CEP44: variants seen among roughly 807,000 people sequenced by gnomAD.
The protein encoded by CEP44 is centrosomal protein 44, also known as centrosomal protein of 44 kDa.
CEP44 carries 45 observed loss-of-function variants against 46.7 expected under a neutral mutation model. The ratio of observed to expected loss-of-function variants is 0.96; its 90% CI spans 0.76 to 1.24. The LOEUF (loss-of-function observed/expected upper bound fraction) is 1.24. CEP44 is among the 50% of genes most tolerant of loss of function. The pLI is 0.00. For synonymous variants in CEP44, 142 were observed against 146.0 expected, an observed-to-expected ratio of 0.97 and a Z score of 0.20; for missense variants, 475 against 459.7, an observed-to-expected ratio of 1.03 and a Z score of -0.30.
Position 174,310,785 on chromosome 4 carries a change from T to A in CEP44, c.888T>A (p.Asn296Lys), listed in dbSNP as rs1198928558. ...AATATTTAACTGTGTTATTCCAGAATGATGAATTTATAGAGTTTAATGAAG... is the reference window on the plus strand; with the variant it reads ...AATATTTAACTGTGTTATTCCAGAAAGATGAATTTATAGAGTTTAATGAAG... ...LETEMLLSKK[N>K]DEFIEFNEVS... Residue 296 changes from asparagine to lysine, a missense_variant and splice_region_variant, in exon 9 of 12, where the codon AAT becomes AAA. Asn to Lys is a moderately conservative substitution (Grantham distance 94, BLOSUM62 0). Coordinates refer to ENST00000503780, the MANE Select transcript of CEP44 (RefSeq NM_001040157.3). The surrounding 1 kb of genome is among the most constrained non-coding windows in gnomAD (Gnocchi z 4.2). 7.1e-7 allele frequency: 1 copy of A among 1,403,150 alleles called. No homozygotes were observed. The highest frequency in any genetic ancestry group is 9.9e-7 in the Non-Finnish European group (1 of 1,008,768). 86.9% of individuals were successfully genotyped at this position (1,403,150 alleles called of 1,614,324 possible). A position where few individuals can be genotyped will look rare whatever the true frequency, so the allele number is the denominator to read the frequency against.
chr4:174,318,690 C>A lies in CEP44; in HGVS notation c.*1307C>A. 1 of 639,328 alleles carries A rather than the reference C, an allele frequency of 1.6e-6. No individual in the cohort carries two copies. Among genetic ancestry groups the A allele is most frequent in the Non-Finnish European group, 1.9e-6 (1 of 515,268 alleles). 39.6% of individuals were successfully genotyped at this position (639,328 alleles called of 1,614,324 possible). A position where few individuals can be genotyped will look rare whatever the true frequency, so the allele number is the denominator to read the frequency against. On this transcript the variant is annotated 3_prime_UTR_variant, in exon 12 of 12. Coordinates refer to ENST00000503780, the MANE Select transcript of CEP44 (RefSeq NM_001040157.3). ...GGTATGTATGTATAATTCTATATTA[C>A]ACTGTCAAATATAAAATATTGTTAT...
rs531724921 is a variant in CEP44, at chr4:174,294,975, G to T, written c.-147-2991G>T. Among the ~76,000 whole-genome samples, 449 of 139,148 alleles carry T rather than the reference G, an allele frequency of 3.2e-3. 2 individuals carry two copies. Among genetic ancestry groups the T allele is most frequent in the African/African-American group, 0.012 (423 of 34,988 alleles). 91.3% of individuals were successfully genotyped at this position (139,148 alleles called of 152,430 possible). On this transcript the variant is annotated intron_variant, in intron 1 of 11. Transcript: ENST00000503780. ...TCCTGGACGGGACGGCTGGCCGGGT[G>T]GGGGGCTGACCCCCCCACCTCCCTC... is the stretch of plus-strand genomic sequence containing the variant.
At chr4:174,295,311 GT>G (rs1205151465) in intron 1 of CEP44, among the ~76,000 whole-genome samples, 1 of 151,470 alleles carries the variant, frequency 6.6e-6, no homozygotes, top group Non-Finnish European at 1.5e-5. Context: ...CCCAGACGGG[GT>G]CGCGGCCGGG....
At position 174,319,088 on chromosome 4, in the gene CEP44, G is replaced by T; in HGVS notation, c.*1705G>T. The T allele has an allele frequency of 1.0e-6, 1 of 967,230 alleles. No homozygotes were observed. 59.9% of individuals were successfully genotyped at this position (967,230 alleles called of 1,614,324 possible). The stretch of plus-strand genomic sequence containing the variant: ...TGTCCCAAAGTGCTAGATTCCATGG[G>T]TGAGTCACCATGCTTGGCCACATTT... On this transcript the variant is annotated 3_prime_UTR_variant, in exon 12 of 12. Transcript: ENST00000503780.
chr4:174,329,901 A>G lies in CEP44; in HGVS notation c.1087-1581A>G, dbSNP rs1731224057. Reference sequence around the variant, plus strand: ...TTAGGTCAAAAAGAATATGTAAACCAAAATATTTTAGATAGGAATACTTAT... The same window carrying G: ...TTAGGTCAAAAAGAATATGTAAACCGAAATATTTTAGATAGGAATACTTAT... On this transcript the variant is annotated intron_variant, in intron 8 of 8. Coordinates refer to the CEP44 transcript ENST00000426172. This position sits in a 1 kb window ranked among gnomAD's most constrained non-coding sequence, Gnocchi z 4.0. Among the ~76,000 whole-genome samples, 1 of 152,182 alleles carries G rather than the reference A, an allele frequency of 6.6e-6. No homozygotes were observed. Among genetic ancestry groups the G allele is most frequent in the African/African-American group, 2.4e-5 (1 of 41,456 alleles).
intron 2 of CEP44, among the ~76,000 whole-genome samples, chr4:174,298,337 G>A (rs868336188): frequency 3.0e-4 from 45 of 151,078 alleles, no homozygotes; most frequent in Middle Eastern, 3.4e-3. Context: ...CACTACGCCC[G>A]GCTAATTTTT....
Position 174,317,742 on chromosome 4 carries a change from G to A in CEP44, c.*359G>A. 1 of 989,168 alleles carries A rather than the reference G, an allele frequency of 1.0e-6. No homozygotes were observed. Among genetic ancestry groups the A allele is most frequent in the South Asian group, 4.7e-5 (1 of 21,322 alleles). 61.3% of individuals were successfully genotyped at this position (989,168 alleles called of 1,614,324 possible). A position where few individuals can be genotyped will look rare whatever the true frequency, so the allele number is the denominator to read the frequency against. Reference sequence around the variant, plus strand: ...TGAGGACTATGGTTTACATCCTGTTGGAAACATTCCAAATGGGACTTGTGT... The same window carrying A: ...TGAGGACTATGGTTTACATCCTGTTAGAAACATTCCAAATGGGACTTGTGT... On this transcript the variant is annotated 3_prime_UTR_variant, in exon 12 of 12. Coordinates refer to ENST00000503780, the MANE Select transcript of CEP44 (RefSeq NM_001040157.3).
chr4:174,287,750 A>G lies in CEP44; in HGVS notation c.-148+3807A>G, dbSNP rs1737727066. Among the ~76,000 whole-genome samples, 1 of 152,206 alleles carries G rather than the reference A, an allele frequency of 6.6e-6. No homozygotes were observed. On this transcript the variant is annotated intron_variant, in intron 1 of 11. Transcript: ENST00000503780. This position sits in a 1 kb window ranked among gnomAD's most constrained non-coding sequence, Gnocchi z 5.1. ...CAAAAGGTACAATTTATTATAGGAT[A>G]ATTATAATTATTTCATGCTGACAAT...
intron 11 of CEP44, 60 bp downstream of exon 11, chr4:174,316,627 C>T: frequency 6.9e-7 from 1 of 1,442,982 alleles, no homozygotes; most frequent in Non-Finnish European, 9.5e-7. Context: ...TATTGGATTA[C>T]AGTATATATA....
chr4:174,294,621 C>T (rs1222342631), intron 1 of CEP44, among the ~76,000 whole-genome samples: 62 of 151,594 alleles, frequency 4.1e-4, no homozygotes, highest in Non-Finnish European at 6.6e-4. Context: ...TAGGGGCGGC[C>T]GGGCAGAGGC....
At chr4:174,330,938 TA>T (rs1188405281) in intron 8 of CEP44, among the ~76,000 whole-genome samples, 1 of 152,188 alleles carries the variant, frequency 6.6e-6, no homozygotes, top group African/African-American at 2.4e-5. Context: ...TAAAGTTCGT[TA>T]ATATAAAAAG....
rs1739185119 is a variant in CEP44 at position 174,297,525 on chromosome 4, C to G, written c.-147-441C>G. Among the ~76,000 whole-genome samples, 1 of 152,124 alleles carries G rather than the reference C, an allele frequency of 6.6e-6. No individual in the cohort carries two copies. The highest frequency in any genetic ancestry group is 1.5e-5 in the Non-Finnish European group (1 of 68,022). ...TTCAATGGGGATTTTCCTCAAATGT[C>G]AGAAATGTGATACTTTTTTCTCTAG... On this transcript the variant is annotated intron_variant, in intron 1 of 11. Coordinates refer to ENST00000503780, the MANE Select transcript of CEP44 (RefSeq NM_001040157.3). This position sits in a 1 kb window ranked among gnomAD's most constrained non-coding sequence, Gnocchi z 4.3.
intron 1 of CEP44, among the ~76,000 whole-genome samples, chr4:174,289,295 C>CTTTTTT (rs34274387): frequency 7.8e-6 from 1 of 128,780 alleles, no homozygotes; most frequent in Non-Finnish European, 1.7e-5. Flanking sequence ...GTTCCCTCTT[C>CTTTTTT]TTTTTTTTTT....
At chr4:174,289,888 T>G (rs1386495019) in intron 1 of CEP44, among the ~76,000 whole-genome samples, 1 of 151,172 alleles carries the variant, frequency 6.6e-6, no homozygotes, top group Non-Finnish European at 1.5e-5. Context: ...CAGGCTGGAG[T>G]GCAGTGGCGT....
chr4:174,320,367 A>G (rs981779580), downstream of CEP44: 15 of 948,752 alleles, frequency 1.6e-5, no homozygotes, highest in African/African-American at 5.3e-5. Context: ...ATAACTTTAT[A>G]TAATTGATAC....
At position 174,314,771 on chromosome 4, in the gene CEP44, C is replaced by T. The variant is rs1741469257; in HGVS notation, c.962-1395C>T. Among the ~76,000 whole-genome samples, 1 of 152,188 alleles carries T rather than the reference C, an allele frequency of 6.6e-6. No homozygotes were observed. Reference sequence around the variant, plus strand: ...TTCAAATTATTTCTTAAAATAACCTCTTGTCCATAGCTCCTACTAAAAGAT... The same window carrying T: ...TTCAAATTATTTCTTAAAATAACCTTTTGTCCATAGCTCCTACTAAAAGAT... On this transcript the variant is annotated intron_variant, in intron 9 of 11. Transcript: ENST00000503780. This position sits in a 1 kb window ranked among gnomAD's most constrained non-coding sequence, Gnocchi z 4.1.
rs1192682782 is a variant in CEP44 at position 174,319,805 on chromosome 4, AAT to A, written c.*2424_*2425del. ...ATCTAGACAACATAATTTTTGGAAA[AAT>A]AAAGCAAATTCAACTTTATTGGAGT... On this transcript the variant is annotated 3_prime_UTR_variant, in exon 12 of 12. Transcript: ENST00000503780. 6 of 978,438 alleles carry A rather than the reference AAT, an allele frequency of 6.1e-6. No homozygotes were observed. The East Asian group carries it at 6.8e-4, about 111-fold the overall frequency. The allele number at this position is 978,438 out of a possible 1,614,324, so 60.6% of individuals were successfully genotyped here.
At chr4:174,293,358 TTC>T (rs1231091846) in intron 1 of CEP44, among the ~76,000 whole-genome samples, 4 of 152,282 alleles carry the variant, frequency 2.6e-5, no homozygotes, top group Admixed American at 6.5e-5. Context: ...TGTCACAGCC[TTC>T]TACTTGGACC....
chr4:174,312,741 A>T lies in CEP44; in HGVS notation c.961+1883A>T, dbSNP rs1741225242. 1.3e-5 allele frequency among the ~76,000 whole-genome samples: 2 copies of T among 152,180 alleles called. No individual in the cohort carries two copies. Among genetic ancestry groups the T allele is most frequent in the African/African-American group, 2.4e-5 (1 of 41,446 alleles). ...TGATCTGATCTAGATTAATTAAAAG[A>T]CTCAAGTTTATAAAGACTTACACAT... On this transcript the variant is annotated intron_variant, in intron 9 of 11. Coordinates refer to ENST00000503780, the MANE Select transcript of CEP44 (RefSeq NM_001040157.3). This position sits in a 1 kb window ranked among gnomAD's most constrained non-coding sequence, Gnocchi z 4.5.
Sources: gnomAD v4.1 joint callset for allele counts (sites outside exome capture counted in the v4.1 genomes callset) on GRCh38, gnomAD v4.1.1 for gene constraint, Gnocchi (gnomAD v3.1) non-coding constraint, MANE v1.5 for transcripts, NCBI Gene and HGNC (gene_info 2026-07-23, HGNC 2026-07-21) for gene names.